Variants in LRRC1 observed in about 807,000 individuals in gnomAD.
LRRC1 encodes the protein leucine-rich repeat-containing protein 1.
Under a neutral mutation model 69.9 loss-of-function variants are expected in LRRC1, and 28 were observed. The ratio of observed to expected loss-of-function variants is 0.40; its 90% CI spans 0.30 to 0.55. The LOEUF is 0.55. Ranked by LOEUF, LRRC1 falls within the 20% of genes least tolerant of loss-of-function variation. The pLI, the probability that LRRC1 is intolerant of heterozygous loss-of-function variation, is 0.47. For missense variants in LRRC1, 498 were observed against 609.0 expected (o/e 0.82, Z 1.92); for synonymous variants, 236 against 240.2 (o/e 0.98, Z 0.16).
At chr6:53,885,894 C>T (rs967605212) in intron 4 of LRRC1, among the ~76,000 whole-genome samples, 2 of 152,102 alleles carry the variant, frequency 1.3e-5, no homozygotes, top group Non-Finnish European at 2.9e-5. Flanking sequence ...TACGGCTCTC[C>T]AGGTCCCAGT....
At chr6:53,804,722 T>C (rs2127403265) in intron 1 of LRRC1, among the ~76,000 whole-genome samples, 1 of 152,366 alleles carries the variant, frequency 6.6e-6, no homozygotes, top group South Asian at 2.1e-4. Flanking sequence ...TTCTTGTATT[T>C]ATTACTTTGT....
intron 1 of LRRC1, among the ~76,000 whole-genome samples, chr6:53,839,869 C>T (rs1242943496): frequency 1.3e-5 from 2 of 152,146 alleles, no homozygotes; most frequent in African/African-American, 2.4e-5. Flanking sequence ...TCTAATTTAT[C>T]ACCAAACATT....
chr6:53,891,858 G>A (rs1047326908), intron 4 of LRRC1, among the ~76,000 whole-genome samples: 2 of 151,928 alleles, frequency 1.3e-5, no homozygotes, highest in African/African-American at 4.8e-5. Context: ...TGGGTGTGGT[G>A]GTGCATGCCT....
In LRRC1 at chr6:53,795,159, G is replaced by T; in HGVS notation, c.-98G>T. 9.2e-7 allele frequency: 1 copy of T among 1,086,016 alleles called. No individual in the cohort carries two copies. Among genetic ancestry groups the T allele is most frequent in the Non-Finnish European group, 1.3e-6 (1 of 782,958 alleles). 67.3% of individuals were successfully genotyped at this position (1,086,016 alleles called of 1,614,324 possible). On this transcript the variant is annotated 5_prime_UTR_variant, in exon 1 of 14. Coordinates refer to ENST00000370888, the MANE Select transcript of LRRC1 (RefSeq NM_018214.5). ...TAACCCAAGAGCCAACAACGAGCGCGGAGAGGGCAGCGGACTGAGCGGAGC... is the reference window on the plus strand; with the variant it reads ...TAACCCAAGAGCCAACAACGAGCGCTGAGAGGGCAGCGGACTGAGCGGAGC...
intron 2 of LRRC1, among the ~76,000 whole-genome samples, chr6:53,853,590 A>G (rs1451775244): frequency 6.6e-6 from 1 of 152,112 alleles, no homozygotes; most frequent in African/African-American, 2.4e-5. Flanking sequence ...CAGCGTGTAA[A>G]TCTTTTATGG....
chr6:53,875,853 G>A (rs1343451773), intron 2 of LRRC1, among the ~76,000 whole-genome samples: 1 of 152,066 alleles, frequency 6.6e-6, no homozygotes, highest in Non-Finnish European at 1.5e-5. Context: ...AAGGTAATTA[G>A]CATACTCATC....
rs184485043 is a variant in LRRC1 at position 53,865,594 on chromosome 6, C to T, written c.278-13399C>T. Among the ~76,000 whole-genome samples, 66 of 152,148 alleles carry T rather than the reference C, an allele frequency of 4.3e-4. 1 individual carries two copies. The highest frequency in any genetic ancestry group is 1.2e-3 in the African/African-American group (49 of 41,466). On this transcript the variant is annotated intron_variant, in intron 2 of 13. Transcript: ENST00000370888. The stretch of plus-strand genomic sequence containing the variant: ...ATGCCATATTATTTTTTGTTTGTCT[C>T]TGATTTGTTTTAACATCAGCGATGT...
chr6:53,888,328 A>C (rs1453612346), intron 4 of LRRC1, among the ~76,000 whole-genome samples: 1 of 152,246 alleles, frequency 6.6e-6, no homozygotes, highest in Non-Finnish European at 1.5e-5. Flanking sequence ...TTATATTTTT[A>C]TATATCAGCA....
At chr6:53,815,802 T>G (rs1562027701) in intron 1 of LRRC1, among the ~76,000 whole-genome samples, 1 of 152,250 alleles carries the variant, frequency 6.6e-6, no homozygotes, top group South Asian at 2.1e-4. Flanking sequence ...CAATATGATC[T>G]TGATCTTCCT....
intron 1 of LRRC1, among the ~76,000 whole-genome samples, chr6:53,798,799 T>G (rs1023918375): frequency 1.3e-5 from 2 of 152,242 alleles, no homozygotes; most frequent in Non-Finnish European, 2.9e-5. Context: ...TCCCTCTGCT[T>G]CTTTCTTTTC....
At chr6:53,850,965 T>G (rs752050150) in intron 2 of LRRC1, among the ~76,000 whole-genome samples, 2 of 152,126 alleles carry the variant, frequency 1.3e-5, no homozygotes, top group Non-Finnish European at 2.9e-5. Flanking sequence ...CTATCAACAC[T>G]CTATGGCCAA....
At chr6:53,812,848 G>C (rs1486171174) in intron 1 of LRRC1, among the ~76,000 whole-genome samples, 3 of 152,018 alleles carry the variant, frequency 2.0e-5, no homozygotes, top group Non-Finnish European at 4.4e-5. Flanking sequence ...GGGTGCCTTG[G>C]GGGTAGTGAG....
At chr6:53,821,172 G>A (rs1196978766) in intron 1 of LRRC1, among the ~76,000 whole-genome samples, 4 of 152,144 alleles carry the variant, frequency 2.6e-5, no homozygotes, top group African/African-American at 9.7e-5. Context: ...AAGCATTTGC[G>A]CTAATGCTGT....
intron 4 of LRRC1, 129 bp from the exon 5 acceptor site, chr6:53,896,369 T>C (rs372745688): frequency 5.5e-6 from 4 of 728,512 alleles, no homozygotes; most frequent in African/African-American, 5.3e-5. Flanking sequence ...TAGGTATTTT[T>C]ACCCTGGTAA....
chr6:53,900,198 C>T (rs1051404710), intron 8 of LRRC1, among the ~76,000 whole-genome samples: 2 of 151,920 alleles, frequency 1.3e-5, no homozygotes, highest in Non-Finnish European at 2.9e-5. Flanking sequence ...CCACCACGCC[C>T]GGGTAATTTT....
At chr6:53,798,625 C>T (rs746091735) in intron 1 of LRRC1, among the ~76,000 whole-genome samples, 7 of 152,208 alleles carry the variant, frequency 4.6e-5, no homozygotes, top group African/African-American at 9.7e-5. Flanking sequence ...ATGACCCACC[C>T]GCCTTAGCCT....
intron 2 of LRRC1, among the ~76,000 whole-genome samples, chr6:53,861,166 TAA>T (rs1414056669): frequency 6.6e-6 from 1 of 151,836 alleles, no homozygotes; most frequent in Non-Finnish European, 1.5e-5. Context: ...CTTTTGAACC[TAA>T]AATAGAAGTT....
At chr6:53,838,955 C>T (rs1562037932) in intron 1 of LRRC1, among the ~76,000 whole-genome samples, 1 of 152,076 alleles carries the variant, frequency 6.6e-6, no homozygotes, top group African/African-American at 2.4e-5. Flanking sequence ...TTGTTCTCTT[C>T]CTGTCAGTCC....
At chr6:53,839,593 G>A (rs774504440) in intron 1 of LRRC1, among the ~76,000 whole-genome samples, 3 of 151,928 alleles carry the variant, frequency 2.0e-5, no homozygotes, top group East Asian at 1.9e-4. Flanking sequence ...TGACTTTTGC[G>A]GCTTGATTTT....
Sources: gnomAD v4.1 joint callset for allele counts (sites outside exome capture counted in the v4.1 genomes callset) on GRCh38, gnomAD v4.1.1 for gene constraint, MANE v1.5 for transcripts, NCBI Gene and HGNC (gene_info 2026-07-23, HGNC 2026-07-21) for gene names.